Variants in BRI3BP observed in about 807,000 individuals in gnomAD.
BRI3BP encodes the protein BRI3-binding protein.
BRI3BP carries 7 observed loss-of-function variants against 15.8 expected under a neutral mutation model. The ratio of observed to expected loss-of-function variants is 0.44; its 90% CI spans 0.25 to 0.83. The LOEUF is 0.83. Ranked by LOEUF, BRI3BP falls within the 40% of genes least tolerant of loss-of-function variation. The pLI is 0.20. For missense variants in BRI3BP, 320 were observed against 339.3 expected (o/e 0.94, Z 0.45); for synonymous variants, 192 against 163.5 (o/e 1.17, Z -1.33).
chr12:124,993,751 C>T lies in BRI3BP; in HGVS notation c.-40C>T. ...AGCCCGCTGCGGCCCAGCGCACGGC[C>T]CTCACCCCGCATCGCGACCCCGCGC... On this transcript the variant is annotated 5_prime_UTR_variant, in exon 1 of 3. Coordinates refer to ENST00000341446, the MANE Select transcript of BRI3BP (RefSeq NM_080626.6). The T allele has an allele frequency of 1.0e-6, 1 of 982,614 alleles. No individual in the cohort carries two copies. The highest frequency in any genetic ancestry group is 1.2e-6 in the Non-Finnish European group (1 of 826,310). 60.9% of individuals were successfully genotyped at this position (982,614 alleles called of 1,614,324 possible). A position where few individuals can be genotyped will look rare whatever the true frequency, so the allele number is the denominator to read the frequency against.
At chr12:125,015,414 G>A (rs984861681) in intron 2 of BRI3BP, among the ~76,000 whole-genome samples, 5 of 152,126 alleles carry the variant, frequency 3.3e-5, no homozygotes, top group Non-Finnish European at 5.9e-5. Context: ...TGGAAGAGGC[G>A]AGGAAGGATC....
chr12:124,999,516 C>T (rs934728839), intron 1 of BRI3BP, among the ~76,000 whole-genome samples: 5 of 151,070 alleles, frequency 3.3e-5, no homozygotes, highest in East Asian at 1.9e-4. Context: ...CTCTACCTCC[C>T]GGGCTCAAAT....
At chr12:125,032,180 T>A (rs1349717296), downstream of BRI3BP, among the ~76,000 whole-genome samples, 1 of 152,082 alleles carries the variant, frequency 6.6e-6, no homozygotes, top group East Asian at 1.9e-4. Context: ...ATAATCATTT[T>A]GGCCGGGTGA....
At chr12:125,020,049 T>C (rs999647828) in intron 2 of BRI3BP, among the ~76,000 whole-genome samples, 5 of 151,162 alleles carry the variant, frequency 3.3e-5, no homozygotes, top group African/African-American at 1.2e-4. Context: ...GTTCCAGTGA[T>C]TCTCCTGCCT....
At position 125,026,296 on chromosome 12, in the gene BRI3BP, T is replaced by C. The variant is rs981530654; in HGVS notation, c.*866T>C. ...TTGCAGTTTGCTCACTAGGGCTATA[T>C]ACAAAAGCTATACCCTTGAGGGTTT... On this transcript the variant is annotated 3_prime_UTR_variant, in exon 3 of 3. Coordinates refer to ENST00000341446, the MANE Select transcript of BRI3BP (RefSeq NM_080626.6). The C allele has an allele frequency of 2.7e-5, 4 of 150,424 alleles. No individual in the cohort carries two copies. Among genetic ancestry groups the C allele is most frequent in the Non-Finnish European group, 2.9e-5 (2 of 67,836 alleles). 9.3% of individuals were successfully genotyped at this position (150,424 alleles called of 1,614,324 possible).
Position 125,020,550 on chromosome 12 carries a change from G to T in BRI3BP, c.317-4441G>T, listed in dbSNP as rs112476620. Among the ~76,000 whole-genome samples, 36 of 152,306 alleles carry T rather than the reference G, an allele frequency of 2.4e-4. 1 individual carries two copies. The highest frequency in any genetic ancestry group is 7.9e-4 in the African/African-American group (33 of 41,568). On this transcript the variant is annotated intron_variant, in intron 2 of 2. Coordinates refer to ENST00000341446, the MANE Select transcript of BRI3BP (RefSeq NM_080626.6). ...TACTCAAAGCCTAGCATCTGTAATGGGTTGTTATTTGAAAATGAGTTAATG... is the reference window on the plus strand; with the variant it reads ...TACTCAAAGCCTAGCATCTGTAATGTGTTGTTATTTGAAAATGAGTTAATG...
chr12:125,025,590 A>G lies in BRI3BP; in HGVS notation c.*160A>G. 1 of 702,664 alleles carries G rather than the reference A, an allele frequency of 1.4e-6. No individual in the cohort carries two copies. The highest frequency in any genetic ancestry group is 2.2e-5 in the South Asian group (1 of 45,930). The allele number at this position is 702,664 out of a possible 1,614,324, so 43.5% of individuals were successfully genotyped here. On this transcript the variant is annotated 3_prime_UTR_variant, in exon 3 of 3. Transcript: ENST00000341446. The stretch of plus-strand genomic sequence containing the variant: ...TTCCACCCACCCGGCAGCTCTTAGG[A>G]CACATTCCCAGAAGAGCGGAAAGAT...
chr12:124,995,840 G>A (rs913606911), intron 1 of BRI3BP, among the ~76,000 whole-genome samples: 1 of 152,142 alleles, frequency 6.6e-6, no homozygotes, highest in Non-Finnish European at 1.5e-5. Flanking sequence ...AGTATCTCTC[G>A]CCTGTTTTCC....
intron 1 of BRI3BP, among the ~76,000 whole-genome samples, chr12:124,997,694 A>G (rs144485203): frequency 6.5e-4 from 99 of 152,296 alleles, no homozygotes; most frequent in South Asian, 4.6e-3. Context: ...TCCTTTAAAA[A>G]TTATTAAGTG....
intron 1 of BRI3BP, among the ~76,000 whole-genome samples, chr12:125,001,816 G>T (rs556371756): frequency 3.9e-4 from 59 of 152,102 alleles, no homozygotes; most frequent in African/African-American, 1.4e-3. Context: ...GTGCTGTACA[G>T]CTGTCACTAC....
chr12:124,993,782 CG>C lies in BRI3BP; in HGVS notation c.-7del. The stretch of plus-strand genomic sequence containing the variant: ...CCCGCATCGCGACCCCGCGCCCCGC[CG>C]GCCGAGCATGGGCGCGCGCGCCTCA... On this transcript the variant is annotated 5_prime_UTR_variant, in exon 1 of 3. Coordinates refer to ENST00000341446, the MANE Select transcript of BRI3BP (RefSeq NM_080626.6). 6.9e-6 allele frequency: 7 copies of C among 1,020,888 alleles called. No individual in the cohort carries two copies. Among genetic ancestry groups the C allele is most frequent in the Non-Finnish European group, 8.2e-6 (7 of 856,540 alleles). 63.2% of individuals were successfully genotyped at this position (1,020,888 alleles called of 1,614,324 possible).
intron 1 of BRI3BP, among the ~76,000 whole-genome samples, chr12:124,996,965 T>C (rs1314776403): frequency 1.3e-5 from 2 of 151,670 alleles, no homozygotes; most frequent in African/African-American, 4.8e-5. Context: ...TTCACCATGT[T>C]GGCCAGGCTG....
rs183209567 is a variant in BRI3BP, at chr12:125,005,726, C to T, written c.214-6808C>T. 1.6e-3 allele frequency among the ~76,000 whole-genome samples: 237 copies of T among 151,518 alleles called. 2 individuals are homozygous for T. The highest frequency in any genetic ancestry group is 5.4e-3 in the African/African-American group (223 of 41,286). On this transcript the variant is annotated intron_variant, in intron 1 of 2. Transcript: ENST00000341446. ...GTGGGGAGCGGAGGTTGCAGTGAGC[C>T]GAGATCGCGCCACTGCACTTCAGCC...
At chr12:125,021,272 T>A (rs139874949) in intron 2 of BRI3BP, among the ~76,000 whole-genome samples, 4 of 152,004 alleles carry the variant, frequency 2.6e-5, no homozygotes, top group Non-Finnish European at 4.4e-5. Flanking sequence ...CTGTGCGGAG[T>A]CTGATCATTT....
the BRI3BP span, among the ~76,000 whole-genome samples, chr12:125,048,564 G>A: frequency 1.3e-5 from 2 of 151,948 alleles, no homozygotes; most frequent in African/African-American, 4.8e-5. Flanking sequence ...GTGGGGGCAG[G>A]GGGGAGGGAT....
chr12:125,032,376 T>C (rs1955412493), downstream of BRI3BP, among the ~76,000 whole-genome samples: 2 of 152,136 alleles, frequency 1.3e-5, no homozygotes, highest in Admixed American at 6.5e-5. Context: ...GAGAATTGCT[T>C]GAACCCAGGA....
chr12:125,036,914 C>G, the BRI3BP span, among the ~76,000 whole-genome samples: 1 of 152,212 alleles, frequency 6.6e-6, no homozygotes, highest in Non-Finnish European at 1.5e-5. Context: ...TCACCAAATA[C>G]TGAGTATGCT....
At chr12:125,021,745 T>C (rs1361456623) in intron 2 of BRI3BP, among the ~76,000 whole-genome samples, 1 of 152,072 alleles carries the variant, frequency 6.6e-6, no homozygotes, top group Non-Finnish European at 1.5e-5. Flanking sequence ...CCAAACACTT[T>C]TAAACCATCA....
intron 1 of BRI3BP, among the ~76,000 whole-genome samples, chr12:125,001,156 G>A (rs57574606): frequency 0.012 from 1,752 of 151,916 alleles, 34 homozygotes; most frequent in African/African-American, 0.04. Flanking sequence ...CTGTGTTCAC[G>A]CCATTCTCCT....
Sources: gnomAD v4.1 joint callset for allele counts (sites outside exome capture counted in the v4.1 genomes callset) on GRCh38, gnomAD v4.1.1 for gene constraint, MANE v1.5 for transcripts, NCBI Gene and HGNC (gene_info 2026-07-23, HGNC 2026-07-21) for gene names.